The following SAMMSON variants were observed in gnomAD, a reference collection of about 807,000 sequenced individuals.
The protein encoded by SAMMSON is survival associated mitochondrial melanoma specific oncogenic non-coding RNA, also known as long intergenic non-protein coding RNA 1212.
intron 7 of SAMMSON, among the ~76,000 whole-genome samples, chr3:70,341,392 G>C (rs887713477): frequency 6.6e-6 from 1 of 152,048 alleles, no homozygotes; most frequent in Non-Finnish European, 1.5e-5. Flanking sequence ...TCAAAACCCT[G>C]ATTTTTTCAT....
At chr3:70,384,549 G>A (rs946016603) in intron 9 of SAMMSON, among the ~76,000 whole-genome samples, 5 of 151,922 alleles carry the variant, frequency 3.3e-5, no homozygotes, top group African/African-American at 7.2e-5. Context: ...GACATAAGGG[G>A]CAAAGAAAAG....
At chr3:70,322,916 A>C (rs1702547967) in intron 7 of SAMMSON, among the ~76,000 whole-genome samples, 2 of 152,150 alleles carry the variant, frequency 1.3e-5, no homozygotes, top group African/African-American at 4.8e-5. Flanking sequence ...AAGAATACAC[A>C]GTTGTTAATG....
chr3:70,415,250 G>T (rs938756245), intron 2 of SAMMSON, among the ~76,000 whole-genome samples: 9 of 152,050 alleles, frequency 5.9e-5, no homozygotes, highest in Admixed American at 3.9e-4. Context: ...TGTCATCTTC[G>T]CATCTTCTGT....
In SAMMSON at chr3:70,107,601, G is replaced by GT. The variant is rs10709397; in HGVS notation, n.507+36052dup. 7.9e-3 allele frequency among the ~76,000 whole-genome samples: 1,135 copies of GT among 142,800 alleles called. 10 individuals carry two copies. Among genetic ancestry groups the GT allele is most frequent in the African/African-American group, 0.022 (840 of 38,864 alleles). The allele number at this position is 142,800 out of a possible 152,430, so 93.7% of individuals were successfully genotyped here. ...TTCTACTTTCCGAATTTCTTCCTTA[G>GT]TTTTTTTTTTTTTTTTAATTTGAAT... On this transcript the variant is annotated intron_variant and non_coding_transcript_variant, in intron 4 of 9. Coordinates refer to ENST00000642114, the Ensembl canonical transcript of SAMMSON.
intron 4 of SAMMSON, among the ~76,000 whole-genome samples, chr3:70,091,728 A>G (rs1292879444): frequency 6.6e-6 from 1 of 152,182 alleles, no homozygotes; most frequent in Admixed American, 6.5e-5. Flanking sequence ...GTCTCCAGAA[A>G]CTAGAGACTC....
chr3:70,306,658 C>A (rs1702403973), intron 7 of SAMMSON, among the ~76,000 whole-genome samples: 1 of 152,084 alleles, frequency 6.6e-6, no homozygotes, highest in Non-Finnish European at 1.5e-5. Context: ...CATTGGACAG[C>A]ACCAACATCT....
At chr3:70,064,905 G>T (rs1329681547) in intron 3 of SAMMSON, among the ~76,000 whole-genome samples, 1 of 151,938 alleles carries the variant, frequency 6.6e-6, no homozygotes. Flanking sequence ...ATATAAATAG[G>T]ATTTGATTGC....
At chr3:70,427,309 T>A (rs1701377954) in intron 2 of SAMMSON, among the ~76,000 whole-genome samples, 1 of 152,218 alleles carries the variant, frequency 6.6e-6, no homozygotes, top group Non-Finnish European at 1.5e-5. Context: ...TGTTAGTAGT[T>A]TCTACTAACT....
intron 1 of SAMMSON, among the ~76,000 whole-genome samples, chr3:70,008,772 G>C (rs529737237): frequency 1.2e-4 from 18 of 152,186 alleles, no homozygotes; most frequent in African/African-American, 4.1e-4. Flanking sequence ...ATTGGCTGTG[G>C]GTTTGTTATA....
intron 4 of SAMMSON, among the ~76,000 whole-genome samples, chr3:70,115,811 C>T (rs540266640): frequency 1.3e-5 from 2 of 152,188 alleles, no homozygotes; most frequent in Admixed American, 1.3e-4. Context: ...AACAAAAAGA[C>T]ACATTGACTC....
At chr3:70,369,139 T>G (rs1301364299) in intron 9 of SAMMSON, among the ~76,000 whole-genome samples, 1 of 151,684 alleles carries the variant, frequency 6.6e-6, no homozygotes, top group Non-Finnish European at 1.5e-5. Flanking sequence ...AATTATATTA[T>G]TTGTAATCTT....
chr3:70,377,648 A>G lies in SAMMSON; in HGVS notation n.914-11926A>G, dbSNP rs568289231. The stretch of plus-strand genomic sequence containing the variant: ...AAAAGAGAAATCTAAATTCATAAAG[A>G]TATTATTTTTGTGGTGAAGTATACC... On this transcript the variant is annotated intron_variant and non_coding_transcript_variant, in intron 9 of 9. Coordinates refer to ENST00000642114, the Ensembl canonical transcript of SAMMSON. Among the ~76,000 whole-genome samples, 6 of 152,232 alleles carry G rather than the reference A, an allele frequency of 3.9e-5. No homozygotes were observed. The South Asian group carries it at 1.2e-3, about 32-fold the overall frequency.
intron 2 of SAMMSON, among the ~76,000 whole-genome samples, chr3:70,408,374 CT>C (rs1701193128): frequency 4.6e-5 from 7 of 152,212 alleles, no homozygotes; most frequent in Admixed American, 4.6e-4. Flanking sequence ...ATTTTCTGAA[CT>C]TTTATGCTCT....
chr3:70,256,084 G>A (rs1177532740), intron 6 of SAMMSON, among the ~76,000 whole-genome samples: 1 of 152,186 alleles, frequency 6.6e-6, no homozygotes, highest in East Asian at 1.9e-4. Flanking sequence ...TAGAAATTCA[G>A]GGTTTTAGGT....
chr3:70,283,793 A>T (rs1297460608), intron 6 of SAMMSON: 1 of 151,804 alleles, frequency 6.6e-6, no homozygotes, highest in Non-Finnish European at 1.5e-5. Flanking sequence ...AAAGAGAGAG[A>T]AGAAAAAGAA....
At chr3:70,197,623 T>C (rs1466412207) in intron 4 of SAMMSON, among the ~76,000 whole-genome samples, 3 of 152,208 alleles carry the variant, frequency 2.0e-5, no homozygotes, top group Non-Finnish European at 4.4e-5. Context: ...TTCTTGTCAC[T>C]AGGCTTTGTT....
intron 4 of SAMMSON, among the ~76,000 whole-genome samples, chr3:70,181,464 G>C (rs1256649259): frequency 6.6e-6 from 1 of 152,190 alleles, no homozygotes; most frequent in African/African-American, 2.4e-5. Context: ...AAGCAGACCA[G>C]GGATAAAGTC....
intron 9 of SAMMSON, among the ~76,000 whole-genome samples, chr3:70,385,039 A>AT (rs1703108932): frequency 1.3e-5 from 2 of 152,116 alleles, no homozygotes; most frequent in Admixed American, 6.6e-5. Context: ...AGGGGAATTA[A>AT]TTAAACAAAA....
intron 4 of SAMMSON, among the ~76,000 whole-genome samples, chr3:70,177,875 G>A (rs555414695): frequency 6.6e-6 from 1 of 152,204 alleles, no homozygotes; most frequent in African/African-American, 2.4e-5. Flanking sequence ...ATCCTTATTC[G>A]TTCATGATAT....
Sources: allele counts gnomAD v4.1 joint callset (sites outside exome capture counted in the v4.1 genomes callset), GRCh38; gene constraint gnomAD v4.1.1; transcripts MANE v1.5; gene names NCBI Gene and HGNC (gene_info 2026-07-23, HGNC 2026-07-21).